The following ICE1 variants were observed in gnomAD, a reference collection of about 807,000 sequenced individuals.
ICE1 encodes little elongation complex subunit 1.
A neutral mutation model predicts 192.7 loss-of-function variants in ICE1; 64 were observed. The ratio of observed to expected loss-of-function variants is 0.33; its 90% confidence interval spans 0.27 to 0.41. The LOEUF (loss-of-function observed/expected upper bound fraction) is 0.41, where lower values mean the gene tolerates loss of function less well. Ranked by LOEUF, ICE1 falls within the 10% of genes least tolerant of loss-of-function variation. The probability of loss-of-function intolerance (pLI) is 1.00; values close to 1 mark genes in which losing one functional copy is unlikely to be tolerated. For missense variants in ICE1, 2,708 were observed against 2,696.0 expected (o/e 1.00, Z -0.10); for synonymous variants, 1,010 against 984.5 (o/e 1.03, Z -0.49).
intron 2 of ICE1, 47 bp downstream of exon 2, chr5:5,436,523 A>C: frequency 1.7e-6 from 2 of 1,182,830 alleles, no homozygotes; most frequent in Non-Finnish European, 2.3e-6. Flanking sequence ...AAACCTGACA[A>C]ACTGGCTGAA....
rs188007686 is a variant in ICE1, at chr5:5,432,787, C to T, written c.85-3631C>T. 2.8e-3 allele frequency among the ~76,000 whole-genome samples: 430 copies of T among 152,170 alleles called. 6 individuals are homozygous for T. The highest frequency in any genetic ancestry group is 4.9e-4 in the Non-Finnish European group (33 of 67,996). On this transcript the variant is annotated intron_variant, in intron 1 of 18. Coordinates refer to ENST00000296564, the MANE Select transcript of ICE1 (RefSeq NM_015325.3). ...TATTCCTTTCAAAAATAACTTGTTT[C>T]GCAAATATAATATTATTTATCTCAT...
intron 17 of ICE1, among the ~76,000 whole-genome samples, chr5:5,481,254 A>G (rs1739495999): frequency 6.6e-6 from 1 of 152,190 alleles, no homozygotes; most frequent in African/African-American, 2.4e-5. Flanking sequence ...TCAAAACAAT[A>G]TGGTATTTTT....
Position 5,461,145 on chromosome 5 carries a change from T to A in ICE1, c.1811T>A (p.Leu604Ter). ...AAAGAAGATACTCAAGGGTTCACTT[T>A]AGGAGAATCACCTGAATCAGAAGAT... is the stretch of plus-strand genomic sequence containing the variant. Reference protein sequence around the residue: ...KEKEDTQGFTLGESPESEDDD... With the variant: ...KEKEDTQGFT Residue 604 changes from leucine (L) to a stop codon, truncating the protein, a stop_gained, in exon 13 of 19, where the codon TTA (leucine) becomes TAA (stop). Transcript: ENST00000296564. LOFTEE classifies it high-confidence loss of function. The A allele has an allele frequency of 6.2e-7, 1 of 1,613,998 alleles. No homozygotes were observed. Among genetic ancestry groups the A allele is most frequent in the Non-Finnish European group, 8.5e-7 (1 of 1,179,870 alleles).
intron 7 of ICE1, among the ~76,000 whole-genome samples, chr5:5,446,201 GC>G (rs1738219111): frequency 6.6e-6 from 1 of 152,070 alleles, no homozygotes; most frequent in Non-Finnish European, 1.5e-5. Context: ...AGATAGGGTT[GC>G]CCAGGCTGGT....
chr5:5,449,376 G>C (rs1007384127), intron 10 of ICE1, among the ~76,000 whole-genome samples: 1 of 151,736 alleles, frequency 6.6e-6, no homozygotes, highest in Non-Finnish European at 1.5e-5. Context: ...CAGAGTATTA[G>C]GTTGACTTCA....
At chr5:5,425,565 C>CGAGTAG (rs1356516115) in intron 1 of ICE1, among the ~76,000 whole-genome samples, 2 of 152,150 alleles carry the variant, frequency 1.3e-5, no homozygotes, top group Non-Finnish European at 2.9e-5. Context: ...GGGAAAGTTA[C>CGAGTAG]GAGTAGAGTC....
intron 6 of ICE1, 123 bp from the exon 7 acceptor site, chr5:5,444,166 G>C (rs929384215): frequency 4.5e-6 from 3 of 664,060 alleles, no homozygotes; most frequent in Non-Finnish European, 8.0e-6. Flanking sequence ...TAGGATACTA[G>C]TTCAGACTGA....
chr5:5,480,386 A>T (rs988347874), intron 17 of ICE1, among the ~76,000 whole-genome samples: 3 of 151,152 alleles, frequency 2.0e-5, no homozygotes, highest in Admixed American at 2.0e-4. Context: ...AGTAGCTGGG[A>T]CTACAGGCGC....
In ICE1 at chr5:5,430,145, C is replaced by T. The variant is rs140036746; in HGVS notation, c.85-6273C>T. 4.4e-3 allele frequency among the ~76,000 whole-genome samples: 676 copies of T among 152,318 alleles called. 7 individuals are homozygous for T. Among genetic ancestry groups the T allele is most frequent in the South Asian group, 0.015 (70 of 4,820 alleles). On this transcript the variant is annotated intron_variant, in intron 1 of 18. Transcript: ENST00000296564. ...AAGAACACCTTGAACCTCACTTCTT[C>T]CATAGCAGCTGGACCTGTGCAGGAA...
intron 17 of ICE1, among the ~76,000 whole-genome samples, chr5:5,476,899 AGAAAT>A (rs1029227907): frequency 6.6e-6 from 1 of 152,212 alleles, no homozygotes. Context: ...AGCGAATTAC[AGAAAT>A]GAAATGATTG....
chr5:5,458,049 T>C (rs1269343788), intron 12 of ICE1, among the ~76,000 whole-genome samples: 1 of 152,226 alleles, frequency 6.6e-6, no homozygotes, highest in African/African-American at 2.4e-5. Context: ...AATGACTGAA[T>C]TAAACACATA....
rs148308688 is a variant in ICE1 at position 5,429,569 on chromosome 5, C to A, written c.84+6570C>A. ...GAAGTTAAGAAACTGTCTTCTCTTA[C>A]ATATTTACTGATTTGTTTGAGCAGA... On this transcript the variant is annotated intron_variant, in intron 1 of 18. Coordinates refer to ENST00000296564, the MANE Select transcript of ICE1 (RefSeq NM_015325.3). Among the ~76,000 whole-genome samples the A allele has an allele frequency of 2.0e-5, 3 of 152,340 alleles. 1 individual carries two copies. Among genetic ancestry groups the A allele is most frequent in the African/African-American group, 7.2e-5 (3 of 41,580 alleles).
At chr5:5,479,016 A>G (rs1033236291) in intron 17 of ICE1, among the ~76,000 whole-genome samples, 1 of 152,202 alleles carries the variant, frequency 6.6e-6, no homozygotes, top group Admixed American at 6.5e-5. Context: ...ACTAGGCAAT[A>G]CCATTCAGGA....
chr5:5,432,361 C>T (rs955616120), intron 1 of ICE1, among the ~76,000 whole-genome samples: 3 of 152,172 alleles, frequency 2.0e-5, no homozygotes, highest in African/African-American at 4.8e-5. Context: ...ATGTATCATT[C>T]GTTCATTTTC....
intron 1 of ICE1, among the ~76,000 whole-genome samples, chr5:5,430,030 A>G (rs1200252582): frequency 6.6e-6 from 1 of 152,220 alleles, no homozygotes; most frequent in Non-Finnish European, 1.5e-5. Context: ...TTTCCAATAG[A>G]CTATATAATA....
chr5:5,485,795 T>C (rs1260890148), intron 17 of ICE1, among the ~76,000 whole-genome samples: 2 of 152,216 alleles, frequency 1.3e-5, no homozygotes, highest in Non-Finnish European at 1.5e-5. Context: ...AAGTCTTAAA[T>C]ATTGTAAAGC....
At chr5:5,440,295 A>C (rs1738001707) in intron 4 of ICE1, among the ~76,000 whole-genome samples, 1 of 152,180 alleles carries the variant, frequency 6.6e-6, no homozygotes, top group African/African-American at 2.4e-5. Flanking sequence ...AAATTTTGGC[A>C]ATGTTTCATT....
chr5:5,489,112 TTTC>T, intron 18 of ICE1, 34 bp from the exon 19 acceptor site: 1 of 1,584,044 alleles, frequency 6.3e-7, no homozygotes, highest in South Asian at 1.1e-5. Flanking sequence ...TAACAGATAT[TTTC>T]TTGTTTTATG....
chr5:5,463,370 C>T lies in ICE1; in HGVS notation c.4036C>T (p.Pro1346Ser), dbSNP rs773709911. ...TCAGAATGAAAACCCTCAGAGCAGACCAGAGGCCCGTTCAGATGCAGGCAG... is the reference window on the plus strand; with the variant it reads ...TCAGAATGAAAACCCTCAGAGCAGATCAGAGGCCCGTTCAGATGCAGGCAG... Reference protein sequence around the residue: ...MPQNENPQSRPEARSDAGRQT... With the variant: ...MPQNENPQSRSEARSDAGRQT... The change falls in exon 13 of 19, where the codon CCA (proline) becomes TCA (serine). Residue 1346 changes from proline to serine, a missense_variant. By Grantham distance (74) the Pro-to-Ser change is moderately conservative. Around this residue, in one of 2 missense-constraint regions of ICE1, gnomAD observed 2,366 missense variants for 2,276.6 expected, o/e 1.04. Coordinates refer to ENST00000296564, the MANE Select transcript of ICE1 (RefSeq NM_015325.3). The T allele has an allele frequency of 5.6e-6, 9 of 1,613,738 alleles. No individual in the cohort carries two copies. The highest frequency in any genetic ancestry group is 1.1e-5 in the South Asian group (1 of 91,042).
Sources: allele counts gnomAD v4.1 joint callset (sites outside exome capture counted in the v4.1 genomes callset), GRCh38; gene constraint gnomAD v4.1.1; regional missense constraint gnomAD v4.1.1; transcripts MANE v1.5; gene names NCBI Gene and HGNC (gene_info 2026-07-23, HGNC 2026-07-21).